Variants in CCSER1 observed in about 807,000 individuals in gnomAD.
CCSER1 encodes coiled-coil serine rich protein 1, also known as serine-rich coiled-coil domain-containing protein 1.
A neutral mutation model predicts 82.0 loss-of-function variants in CCSER1; 41 were observed. The ratio of observed to expected loss-of-function variants is 0.50; its 90% CI spans 0.39 to 0.65. The LOEUF is 0.65. Among genes scored for constraint, CCSER1 ranks in the 30% least tolerant of loss-of-function variants. The pLI is 0.00. For synonymous variants in CCSER1, 414 were observed against 383.9 expected (o/e 1.08, Z -0.92); for missense variants, 1,119 against 1,064.2 (o/e 1.05, Z -0.72).
intron 3 of CCSER1, among the ~76,000 whole-genome samples, chr4:90,341,192 A>G (rs1378905345): frequency 6.6e-6 from 1 of 152,142 alleles, no homozygotes; most frequent in Non-Finnish European, 1.5e-5. Context: ...CCTCATAGAT[A>G]AATTTTTAAC....
chr4:90,290,035 C>T (rs531336201), intron 1 of CCSER1, among the ~76,000 whole-genome samples: 84 of 151,850 alleles, frequency 5.5e-4, no homozygotes, highest in Middle Eastern at 3.4e-3. Context: ...TTTTAGGGTA[C>T]ATGTGATATT....
chr4:90,586,866 A>G (rs1047920034), intron 5 of CCSER1, among the ~76,000 whole-genome samples: 3 of 152,218 alleles, frequency 2.0e-5, no homozygotes, highest in Admixed American at 1.3e-4. Flanking sequence ...TGGCCTTTCA[A>G]AGATGTCTCT....
chr4:90,254,678 T>C (rs1485986217), intron 1 of CCSER1, among the ~76,000 whole-genome samples: 1 of 152,070 alleles, frequency 6.6e-6, no homozygotes, highest in Admixed American at 6.6e-5. Context: ...CCTGTGTTCT[T>C]GTCTGTACAT....
intron 7 of CCSER1, among the ~76,000 whole-genome samples, chr4:90,800,215 A>G (rs1365880845): frequency 6.6e-6 from 1 of 152,214 alleles, no homozygotes; most frequent in Non-Finnish European, 1.5e-5. Context: ...GCTTCATAAC[A>G]GAAAGGAACT....
intron 10 of CCSER1, among the ~76,000 whole-genome samples, chr4:91,321,512 AAC>A (rs1274469279): frequency 9.2e-5 from 14 of 152,256 alleles, no homozygotes; most frequent in African/African-American, 2.9e-4. Flanking sequence ...ATTGAAAATA[AAC>A]AGTTTTGCCT....
intron 9 of CCSER1, among the ~76,000 whole-genome samples, chr4:91,016,088 C>A (rs966231983): frequency 6.6e-6 from 1 of 151,924 alleles, no homozygotes; most frequent in Non-Finnish European, 1.5e-5. Flanking sequence ...AAGCTGTTGG[C>A]TTTGAACACT....
At chr4:91,494,261 T>C (rs1758696613) in intron 10 of CCSER1, among the ~76,000 whole-genome samples, 2 of 151,848 alleles carry the variant, frequency 1.3e-5, no homozygotes, top group Admixed American at 1.3e-4. Context: ...TGAGACAATG[T>C]GCAAATGTGA....
chr4:91,070,997 GAATA>G (rs1721375783), intron 9 of CCSER1, among the ~76,000 whole-genome samples: 1 of 151,914 alleles, frequency 6.6e-6, no homozygotes, highest in Non-Finnish European at 1.5e-5. Context: ...ACTTTAATAA[GAATA>G]AATAAATTAA....
intron 10 of CCSER1, among the ~76,000 whole-genome samples, chr4:91,532,210 C>G (rs1308338157): frequency 6.6e-6 from 1 of 152,118 alleles, no homozygotes; most frequent in Admixed American, 6.6e-5. Context: ...TGGATTTTTA[C>G]CTGTATTGGT....
intron 3 of CCSER1, among the ~76,000 whole-genome samples, chr4:90,324,711 T>C (rs1044143514): frequency 1.3e-5 from 2 of 152,174 alleles, no homozygotes; most frequent in African/African-American, 4.8e-5. Context: ...TTTGTTGCCG[T>C]TGCTTTTGGT....
At chr4:90,666,392 C>T (rs2149122650) in intron 6 of CCSER1, among the ~76,000 whole-genome samples, 1 of 152,224 alleles carries the variant, frequency 6.6e-6, no homozygotes, top group Admixed American at 6.5e-5. Context: ...AATTTTACTG[C>T]ACATGAAGAG....
intron 9 of CCSER1, among the ~76,000 whole-genome samples, chr4:90,961,227 A>G (rs1290575539): frequency 1.3e-5 from 2 of 152,178 alleles, no homozygotes; most frequent in Non-Finnish European, 2.9e-5. Context: ...AGTTACACCC[A>G]GATCCCCTTC....
rs535597221 is a variant in CCSER1, at chr4:91,543,504, C to CA, written c.2218-55064dup. Among the ~76,000 whole-genome samples, 485 of 152,198 alleles carry CA rather than the reference C, an allele frequency of 3.2e-3. 4 individuals are homozygous for CA. Among genetic ancestry groups the CA allele is most frequent in the African/African-American group, 0.011 (474 of 41,524 alleles). ...TCTTGTAAGGCTGGCCTGGTGGTGA[C>CA]AAAATCTCTCAGCATTTGCTTGGCT... is the stretch of plus-strand genomic sequence containing the variant. On this transcript the variant is annotated intron_variant, in intron 10 of 10. Coordinates refer to ENST00000509176, the MANE Select transcript of CCSER1 (RefSeq NM_001145065.2).
At chr4:90,709,557 A>G (rs1370288095) in intron 6 of CCSER1, among the ~76,000 whole-genome samples, 3 of 152,030 alleles carry the variant, frequency 2.0e-5, no homozygotes, top group African/African-American at 7.2e-5. Context: ...TTCCTTCACT[A>G]GTTTGCTGAG....
At chr4:90,793,430 C>G (rs1224567974) in intron 7 of CCSER1, among the ~76,000 whole-genome samples, 1 of 152,124 alleles carries the variant, frequency 6.6e-6, no homozygotes, top group African/African-American at 2.4e-5. Context: ...TGAGAACATG[C>G]AGTATTTGGT....
chr4:90,604,807 C>T (rs145613461), intron 5 of CCSER1, among the ~76,000 whole-genome samples: 1 of 152,096 alleles, frequency 6.6e-6, no homozygotes, highest in East Asian at 1.9e-4. Flanking sequence ...TGTAAATGCA[C>T]CAGTCAGCAC....
intron 3 of CCSER1, among the ~76,000 whole-genome samples, chr4:90,363,105 A>G (rs1319007184): frequency 3.4e-4 from 52 of 152,158 alleles, no homozygotes; most frequent in Admixed American, 3.4e-3. Flanking sequence ...AAGCTTACCT[A>G]AGATTATACA....
At chr4:90,778,559 C>G (rs1449258468) in intron 7 of CCSER1, among the ~76,000 whole-genome samples, 3 of 149,432 alleles carry the variant, frequency 2.0e-5, no homozygotes, top group Non-Finnish European at 4.4e-5. Flanking sequence ...GAAACCCATA[C>G]ACTAACATAT....
chr4:90,691,806 A>G (rs1296301276), intron 6 of CCSER1, among the ~76,000 whole-genome samples: 1 of 151,638 alleles, frequency 6.6e-6, no homozygotes, highest in African/African-American at 2.4e-5. Flanking sequence ...CACCCAGGTA[A>G]TAAACATAGT....
Sources: allele counts gnomAD v4.1 joint callset (sites outside exome capture counted in the v4.1 genomes callset), GRCh38; gene constraint gnomAD v4.1.1; transcripts MANE v1.5; gene names NCBI Gene and HGNC (gene_info 2026-07-23, HGNC 2026-07-21).